The following MCF2L2 variants were observed in gnomAD, a reference collection of about 807,000 sequenced individuals.
The protein encoded by MCF2L2 is MCF.2 cell line derived transforming sequence-like 2.
A neutral mutation model predicts 150.2 loss-of-function variants in MCF2L2; 102 were observed. The ratio of observed to expected loss-of-function variants is 0.68; its 90% CI spans 0.58 to 0.80. MCF2L2 has a LOEUF of 0.80. MCF2L2 is among the 30% of genes least tolerant of loss of function. MCF2L2 has a pLI of 0.00. For synonymous variants in MCF2L2, 465 were observed against 491.3 expected (o/e 0.95, Z 0.71); for missense variants, 1,256 against 1,372.8 (o/e 0.91, Z 1.34).
chr3:183,382,042 A>G (rs2108589938), intron 2 of MCF2L2, among the ~76,000 whole-genome samples: 1 of 140,438 alleles, frequency 7.1e-6, no homozygotes. Flanking sequence ...ATGCCATTTA[A>G]TTTCACCTTT....
At position 183,192,692 on chromosome 3, in the gene MCF2L2, A is replaced by T. The variant is rs181321323; in HGVS notation, c.3016+307T>A. ...GATTGTTTATTTCTGTAATTTTTCCATTTGATATTTGGACAGCAGTTGACT... is the reference window on the plus strand; with the variant it reads ...GATTGTTTATTTCTGTAATTTTTCCTTTTGATATTTGGACAGCAGTTGACT... On this transcript the variant is annotated intron_variant, in intron 27 of 29. Transcript: ENST00000328913. 1.1e-3 allele frequency: 318 copies of T among 280,690 alleles called. 1 individual carries two copies. The highest frequency in any genetic ancestry group is 6.2e-3 in the African/African-American group (285 of 45,956). 17.4% of individuals were successfully genotyped at this position (280,690 alleles called of 1,614,324 possible).
At chr3:183,384,412 C>T (rs1368855357) in intron 2 of MCF2L2, among the ~76,000 whole-genome samples, 3 of 152,248 alleles carry the variant, frequency 2.0e-5, no homozygotes, top group Non-Finnish European at 4.4e-5. Flanking sequence ...CAGCTGGAGG[C>T]TGCAAGGTCC....
intron 10 of MCF2L2, among the ~76,000 whole-genome samples, chr3:183,303,187 C>G (rs1460514992): frequency 2.3e-5 from 3 of 130,506 alleles, no homozygotes; most frequent in African/African-American, 1.2e-4. Flanking sequence ...GAATGAGACT[C>G]TGTCTCCAAA....
chr3:183,323,892 C>A (rs77680045), intron 5 of MCF2L2, among the ~76,000 whole-genome samples: 14,049 of 151,842 alleles, frequency 0.093, 859 homozygotes, highest in Non-Finnish European at 0.14. Context: ...CGTGGTATAG[C>A]CTGTGACAAA....
At chr3:183,386,635 A>T (rs1713846961) in intron 2 of MCF2L2, among the ~76,000 whole-genome samples, 1 of 152,210 alleles carries the variant, frequency 6.6e-6, no homozygotes. Context: ...TTGTAGGGAA[A>T]ATCTTTACCT....
intron 1 of MCF2L2, among the ~76,000 whole-genome samples, chr3:183,413,249 T>C (rs577461346): frequency 2.6e-5 from 4 of 152,344 alleles, no homozygotes; most frequent in African/African-American, 9.6e-5. Context: ...TAACTGCTAA[T>C]GCCTACTGTT....
intron 4 of MCF2L2, 152 bp from the exon 5 acceptor site, chr3:183,339,071 C>A: frequency 1.6e-6 from 1 of 642,956 alleles, no homozygotes. Flanking sequence ...GATTTCAGGG[C>A]TAAAAGAGAC....
At chr3:183,242,531 A>T (rs578099915) in intron 15 of MCF2L2, among the ~76,000 whole-genome samples, 1 of 152,364 alleles carries the variant, frequency 6.6e-6, no homozygotes, top group South Asian at 2.1e-4. Flanking sequence ...GCAAGCCTCA[A>T]GCCTTGGTGG....
intron 3 of MCF2L2, among the ~76,000 whole-genome samples, chr3:183,342,330 T>C (rs927294405): frequency 1.3e-5 from 2 of 152,162 alleles, no homozygotes; most frequent in East Asian, 3.8e-4. Flanking sequence ...GTTCAAACGC[T>C]AGTATTGCCA....
chr3:183,360,425 T>C (rs756327454), intron 3 of MCF2L2, among the ~76,000 whole-genome samples: 2 of 151,908 alleles, frequency 1.3e-5, no homozygotes, highest in Non-Finnish European at 2.9e-5. Context: ...AAAAATTAGC[T>C]GAGCATGGTG....
intron 1 of MCF2L2, among the ~76,000 whole-genome samples, chr3:183,397,937 T>A (rs1714551431): frequency 6.6e-6 from 1 of 152,220 alleles, no homozygotes; most frequent in Non-Finnish European, 1.5e-5. Context: ...TAAAATCAGA[T>A]ACATCTATGC....
intron 22 of MCF2L2, among the ~76,000 whole-genome samples, chr3:183,215,207 AAAT>A (rs1460801258): frequency 6.6e-6 from 1 of 152,244 alleles, no homozygotes; most frequent in East Asian, 1.9e-4. Flanking sequence ...TGGAACTTCA[AAAT>A]AATAATAATA....
chr3:183,192,949 G>A (rs911502211), intron 27 of MCF2L2, 50 bp downstream of exon 27: 3 of 1,368,758 alleles, frequency 2.2e-6, no homozygotes, highest in African/African-American at 2.9e-5. Context: ...TAAGCAGCTG[G>A]CATCACCCCA....
intron 1 of MCF2L2, among the ~76,000 whole-genome samples, chr3:183,404,351 C>G (rs958566308): frequency 2.6e-5 from 4 of 152,144 alleles, no homozygotes; most frequent in Admixed American, 2.6e-4. Flanking sequence ...CGGCATCATT[C>G]CCTTAACATG....
intron 1 of MCF2L2, among the ~76,000 whole-genome samples, chr3:183,401,233 T>C (rs1251376365): frequency 2.6e-5 from 4 of 152,200 alleles, no homozygotes; most frequent in Non-Finnish European, 5.9e-5. Flanking sequence ...CATTTTATTT[T>C]GGTTCCTCAT....
intron 1 of MCF2L2, among the ~76,000 whole-genome samples, chr3:183,398,671 G>A (rs535915686): frequency 3.3e-5 from 5 of 152,146 alleles, no homozygotes; most frequent in Non-Finnish European, 7.4e-5. Context: ...CTTTATTAAC[G>A]CATATTCCAA....
intron 25 of MCF2L2, among the ~76,000 whole-genome samples, chr3:183,204,084 T>C (rs550349436): frequency 5.9e-5 from 9 of 152,292 alleles, no homozygotes; most frequent in African/African-American, 2.2e-4. Context: ...AAAAGGAACT[T>C]GGGCCCCTAA....
chr3:183,388,527 G>A (rs149770019), intron 2 of MCF2L2, among the ~76,000 whole-genome samples: 294 of 152,322 alleles, frequency 1.9e-3, no homozygotes, highest in African/African-American at 6.6e-3. Context: ...CACCGGCCTC[G>A]CAGAATAGAC....
chr3:183,277,459 C>CTT (rs78674214), intron 14 of MCF2L2, among the ~76,000 whole-genome samples: 5 of 146,458 alleles, frequency 3.4e-5, no homozygotes, highest in East Asian at 2.0e-4. Context: ...TCAACATCTC[C>CTT]TTTTTTTTTT....
Sources: allele counts gnomAD v4.1 joint callset (sites outside exome capture counted in the v4.1 genomes callset), GRCh38; gene constraint gnomAD v4.1.1; transcripts MANE v1.5; gene names NCBI Gene and HGNC (gene_info 2026-07-23, HGNC 2026-07-21).